ACBD4: variants seen among roughly 807,000 people sequenced by gnomAD.
ACBD4 encodes the protein acyl-CoA-binding domain-containing protein 4.
ACBD4 carries 41 observed loss-of-function variants against 46.0 expected under a neutral mutation model. The ratio of observed to expected loss-of-function variants is 0.89; its 90% CI spans 0.69 to 1.16. ACBD4 has a LOEUF of 1.16. Ranked by LOEUF, ACBD4 falls within the 50% of genes most tolerant of loss-of-function variation. The pLI is 0.00. For missense variants in ACBD4, 393 were observed against 399.5 expected (o/e 0.98, Z 0.14); for synonymous variants, 162 against 155.9 (o/e 1.04, Z -0.29).
rs563347192 is a variant in ACBD4, at chr17:45,136,154, G to A, written c.10G>A (p.Glu4Lys). The A allele has an allele frequency of 1.4e-5, 22 of 1,613,282 alleles. No individual in the cohort carries two copies. Among genetic ancestry groups the A allele is most frequent in the African/African-American group, 5.3e-5 (4 of 74,932 alleles). ...CAGGGCTCGCAGCAGCATGGGCACC[G>A]AGAAAGAAAGCCCAGAGCCCGACTG... MGT[E>K]KESPEPDCQK... Residue 4 changes from glutamate to lysine, a missense_variant, in exon 2 of 10, where the codon GAG (glutamate) becomes AAG (lysine). Glu to Lys is a moderately conservative substitution (Grantham distance 56). Around this residue, in one of 3 missense-constraint regions of ACBD4, gnomAD observed 61 missense variants for 50.3 expected, o/e 1.21. Transcript: ENST00000321854.
In ACBD4 at chr17:45,137,007, C is replaced by T; in HGVS notation, c.295-12C>T. The T allele has an allele frequency of 1.2e-6, 2 of 1,614,026 alleles. No homozygotes were observed. The highest frequency in any genetic ancestry group is 8.5e-7 in the Non-Finnish European group (1 of 1,179,956). On this transcript the variant is annotated splice_polypyrimidine_tract_variant and intron_variant, in intron 4 of 9. Transcript: ENST00000321854. ...AGGCCACTCCGTCCCCAACAGACCC[C>T]CTCCCCTACAGGTGATCGACACAGT...
At chr17:45,137,332 T>TC in intron 5 of ACBD4, 36 bp from the exon 6 acceptor site, 1 of 1,612,276 alleles carries the variant, frequency 6.2e-7, no homozygotes, top group Non-Finnish European at 8.5e-7. Flanking sequence ...TGCCAGCCTC[T>TC]CCCCAGGCCC....
upstream of ACBD4, chr17:45,135,412 G>A (rs1446115655): frequency 6.6e-6 from 1 of 151,912 alleles, no homozygotes; most frequent in Non-Finnish European, 1.5e-5. Flanking sequence ...AACAGATGCG[G>A]ATTTCCACCA....
intron 9 of ACBD4, among the ~76,000 whole-genome samples, chr17:45,140,029 G>C (rs1208317464): frequency 6.6e-6 from 1 of 152,196 alleles, no homozygotes; most frequent in Non-Finnish European, 1.5e-5. Flanking sequence ...GTTCCCAGAT[G>C]TGAGGCATCT....
At position 45,137,853 on chromosome 17, in the gene ACBD4, C is replaced by T. The variant is rs202115808; in HGVS notation, c.573+23C>T. The stretch of plus-strand genomic sequence containing the variant: ...CTGGTGAGCCCAGTCCCCATTCCCC[C>T]CTTTTCCCACCCCACTGTGCTCCCA... On this transcript the variant is annotated intron_variant, in intron 7 of 9. Coordinates refer to ENST00000321854, the MANE Select transcript of ACBD4 (RefSeq NM_001135705.3). 4.3e-6 allele frequency: 7 copies of T among 1,612,908 alleles called. No individual in the cohort carries two copies. The East Asian group carries it at 6.7e-5, about 15-fold the overall frequency.
At chr17:45,137,720 A>C (rs2054953966) in intron 6 of ACBD4, 40 bp from the exon 7 acceptor site, 1 of 1,609,830 alleles carries the variant, frequency 6.2e-7, no homozygotes, top group Non-Finnish European at 8.5e-7. Context: ...CTCCCTCCAC[A>C]GCTTCCCTCT....
intron 9 of ACBD4, among the ~76,000 whole-genome samples, chr17:45,139,863 G>T (rs1488255419): frequency 6.6e-6 from 1 of 152,238 alleles, no homozygotes; most frequent in Admixed American, 6.5e-5. Flanking sequence ...GCCTTCTCCA[G>T]TCGGTTCTGT....
Position 45,137,979 on chromosome 17 carries a change from A to G in ACBD4, c.640A>G (p.Thr214Ala), listed in dbSNP as rs772473601. 2.7e-5 allele frequency: 44 copies of G among 1,612,842 alleles called. No homozygotes were observed. Among genetic ancestry groups the G allele is most frequent in the Non-Finnish European group, 3.6e-5 (42 of 1,179,784 alleles). The part of the protein sequence containing the change: ...RDPRNSPVPP[T>A]KKEGLRGSPP... Reference sequence around the variant, plus strand: ...TCCCAGGAACAGCCCCGTGCCCCCCACAAAGAAAGGTGAGCTCCTACCCAA... The same window carrying G: ...TCCCAGGAACAGCCCCGTGCCCCCCGCAAAGAAAGGTGAGCTCCTACCCAA... Residue 214 changes from threonine to alanine, a missense_variant, in exon 8 of 10, where the codon ACA becomes GCA. Transcript: ENST00000321854.
At chr17:45,132,741 C>G (rs559905117), upstream of ACBD4, 3 of 171,858 alleles carry the variant, frequency 1.7e-5, no homozygotes, top group African/African-American at 7.1e-5. The surrounding 1 kb of genome is among the most constrained non-coding windows in gnomAD (Gnocchi z 4.6). Flanking sequence ...TGCTGCGGGG[C>G]TGGGGGTGGG....
chr17:45,138,093 G>A, intron 8 of ACBD4, 105 bp downstream of exon 8: 1 of 1,194,298 alleles, frequency 8.4e-7, no homozygotes, highest in Non-Finnish European at 1.2e-6. Context: ...AAAGTCCATT[G>A]CTGGGCACTG....
At chr17:45,135,400 C>A (rs1052246575), upstream of ACBD4, 15 of 151,988 alleles carry the variant, frequency 9.9e-5, no homozygotes, top group African/African-American at 3.6e-4. Context: ...TGGATATCAG[C>A]GAACAGATGC....
Position 45,137,934 on chromosome 17 carries a change from G to A in ACBD4, c.595G>A (p.Ala199Thr). Residue 199 changes from alanine (A) to threonine (T), a missense_variant, in exon 8 of 10, where the codon GCA (alanine) becomes ACA (threonine). Ala to Thr is a moderately conservative substitution (Grantham distance 58, BLOSUM62 0). Coordinates refer to ENST00000321854, the MANE Select transcript of ACBD4 (RefSeq NM_001135705.3). Reference sequence around the variant, plus strand: ...GCAGGTTTGGACAGAGCAGCGGGCAGCATCTGGAGGAAAGCGTGATCCCAG... The same window carrying A: ...GCAGGTTTGGACAGAGCAGCGGGCAACATCTGGAGGAAAGCGTGATCCCAG... ...PELVWTEQRA[A>T]SGGKRDPRNS... is the part of the protein sequence containing the mutation. 6.2e-7 allele frequency: 1 copy of A among 1,613,844 alleles called. No homozygotes were observed. The highest frequency in any genetic ancestry group is 1.6e-4 in the Middle Eastern group (1 of 6,062).
At chr17:45,132,167 C>A, upstream of ACBD4, 1 of 1,214,378 alleles carries the variant, frequency 8.2e-7, no homozygotes. This position sits in a 1 kb window ranked among gnomAD's most constrained non-coding sequence, Gnocchi z 4.6. Context: ...GGGGAATCCA[C>A]GAACTGCTCC....
chr17:45,133,520 C>CTTTTTT (rs10569248), upstream of ACBD4, among the ~76,000 whole-genome samples: 35 of 73,850 alleles, frequency 4.7e-4, no homozygotes, highest in Non-Finnish European at 7.3e-4. Context: ...CCTGAATTTT[C>CTTTTTT]TTTTTTTTTT....
chr17:45,139,055 G>A lies in ACBD4; in HGVS notation c.684G>A (p.Glu228=). 1.2e-6 allele frequency: 2 copies of A among 1,613,808 alleles called. No homozygotes were observed. Among genetic ancestry groups the A allele is most frequent in the Non-Finnish European group, 1.7e-6 (2 of 1,180,036 alleles). ...GGGGCAGCCCGCCGGGGCCCCAGGA[G>A]TTGGACGTGTGGCTGCTGGGGACAG... ...GLRGSPPGPQ[E]LDVWLLGTVR... is the part of the protein sequence containing the mutation. Residue 228 remains glutamate, a synonymous_variant, in exon 9 of 10, where the codon GAG becomes GAA. Transcript: ENST00000321854.
chr17:45,137,846 A>G lies in ACBD4; in HGVS notation c.573+16A>G. The G allele has an allele frequency of 6.2e-7, 1 of 1,611,780 alleles. No individual in the cohort carries two copies. Among genetic ancestry groups the G allele is most frequent in the Non-Finnish European group, 8.5e-7 (1 of 1,178,602 alleles). On this transcript the variant is annotated intron_variant, in intron 7 of 9. Coordinates refer to ENST00000321854, the MANE Select transcript of ACBD4 (RefSeq NM_001135705.3). ...GCCTGAGCTGGTGAGCCCAGTCCCC[A>G]TTCCCCCCTTTTCCCACCCCACTGT... is the stretch of plus-strand genomic sequence containing the variant.
intron 5 of ACBD4, 58 bp downstream of exon 5, chr17:45,137,197 CTG>C (rs1455688567): frequency 6.2e-7 from 1 of 1,609,810 alleles, no homozygotes; most frequent in African/African-American, 1.3e-5. Context: ...TAGGTCTAGG[CTG>C]AGGTGGGCTG....
At chr17:45,142,415 A>G (rs2055340420) in intron 9 of ACBD4, among the ~76,000 whole-genome samples, 1 of 149,018 alleles carries the variant, frequency 6.7e-6, no homozygotes, top group African/African-American at 2.5e-5. Context: ...AAAAAAAAAA[A>G]AAAAGAAAGA....
In ACBD4 at chr17:45,136,231, C is replaced by A; in HGVS notation, c.87C>A (p.Asn29Lys). ...AVSVIQNLPK[N>K]GSYRPSYEEM... is the part of the protein sequence containing the mutation. ...GCGTCATCCAGAACCTGCCCAAGAA[C>A]GGTGAGGCTGCGGGGACTCGCATTT... is the stretch of plus-strand genomic sequence containing the variant. Residue 29 changes from asparagine to lysine, a missense_variant and splice_region_variant, in exon 2 of 10, where the codon AAC (asparagine) becomes AAA (lysine). Asn to Lys is a moderately conservative substitution (Grantham distance 94). Coordinates refer to ENST00000321854, the MANE Select transcript of ACBD4 (RefSeq NM_001135705.3). The A allele has an allele frequency of 6.2e-7, 1 of 1,613,032 alleles. No individual in the cohort carries two copies. The highest frequency in any genetic ancestry group is 8.5e-7 in the Non-Finnish European group (1 of 1,179,578).
Sources: gnomAD v4.1 joint callset for allele counts (sites outside exome capture counted in the v4.1 genomes callset) on GRCh38, gnomAD v4.1.1 for gene constraint, gnomAD v4.1.1 regional missense constraint, Gnocchi (gnomAD v3.1) non-coding constraint, MANE v1.5 for transcripts, NCBI Gene and HGNC (gene_info 2026-07-23, HGNC 2026-07-21) for gene names.